Variants in LIN7C observed in about 807,000 individuals in gnomAD.
LIN7C encodes protein lin-7 homolog C.
In LIN7C, 17 loss-of-function variants were observed where a neutral mutation model predicts 24.7. The ratio of observed to expected loss-of-function variants is 0.69; its 90% confidence interval spans 0.47 to 1.03. The LOEUF (loss-of-function observed/expected upper bound fraction) is 1.03, where lower values mean the gene tolerates loss of function less well. LIN7C is among the 50% of genes least tolerant of loss of function. The pLI is 0.00. For missense variants in LIN7C, 204 were observed against 239.0 expected, an observed-to-expected ratio of 0.85 and a Z score of 0.97; for synonymous variants, 90 against 83.4, an observed-to-expected ratio of 1.08 and a Z score of -0.43.
chr11:27,501,699 A>T (rs1344686599), intron 2 of LIN7C, 103 bp downstream of exon 2: 11 of 914,526 alleles, frequency 1.2e-5, no homozygotes, highest in Non-Finnish European at 1.7e-5. Flanking sequence ...GACTGGTTTT[A>T]ATGTTTTCTA....
At chr11:27,504,031 T>C (rs996983666) in intron 1 of LIN7C, among the ~76,000 whole-genome samples, 9 of 152,056 alleles carry the variant, frequency 5.9e-5, no homozygotes, top group African/African-American at 2.2e-4. Context: ...TTGGCCAGGC[T>C]AGTCTCAAAC....
Position 27,498,545 on chromosome 11 carries a change from AT to A in LIN7C, c.*103del, listed in dbSNP as rs745920873. ...AATGACAAGGAGAATTTCATGATAA[AT>A]TTGTTTGTTTTCTTACAATCATTGG... On this transcript the variant is annotated 3_prime_UTR_variant, in exon 5 of 5. Transcript: ENST00000278193. 92 of 1,052,912 alleles carry A rather than the reference AT, an allele frequency of 8.7e-5. No homozygotes were observed. Among genetic ancestry groups the A allele is most frequent in the Non-Finnish European group, 1.2e-4 (89 of 716,198 alleles). 65.2% of individuals were successfully genotyped at this position (1,052,912 alleles called of 1,614,324 possible).
Position 27,506,765 on chromosome 11 carries a change from C to T in LIN7C, c.-13G>A, listed in dbSNP as rs201747531. ...CTAGCGCCGCCATCTTCTCCCTTAACCTACAGACCCACAGGAAATGACGAC... is the reference window on the plus strand; with the variant it reads ...CTAGCGCCGCCATCTTCTCCCTTAATCTACAGACCCACAGGAAATGACGAC... On this transcript the variant is annotated 5_prime_UTR_variant, in exon 1 of 5. Transcript: ENST00000278193. The T allele has an allele frequency of 6.2e-7, 1 of 1,614,154 alleles. No homozygotes were observed. Among genetic ancestry groups the T allele is most frequent in the Middle Eastern group, 1.6e-4 (1 of 6,062 alleles).
At chr11:27,499,637 C>T (rs866308880) in intron 3 of LIN7C, 69 bp from the exon 4 acceptor site, 193 of 1,398,014 alleles carry the variant, frequency 1.4e-4, no homozygotes, top group Middle Eastern at 3.7e-4. Flanking sequence ...TTTTGTTTCC[C>T]CCCGAGATGG....
At chr11:27,501,056 G>A (rs907867615) in intron 3 of LIN7C, among the ~76,000 whole-genome samples, 1 of 152,054 alleles carries the variant, frequency 6.6e-6, no homozygotes, top group Non-Finnish European at 1.5e-5. Context: ...AAATCAACTC[G>A]GGGAAGTACC....
Position 27,501,978 on chromosome 11 carries a change from A to G in LIN7C, c.38-58T>C, listed in dbSNP as rs1865230635. The stretch of plus-strand genomic sequence containing the variant: ...CCAAGGGTTTTCTCAATGCCTATGT[A>G]ACAGTGGGGCAGTTAGGATTCATTC... On this transcript the variant is annotated intron_variant, in intron 1 of 4. Coordinates refer to ENST00000278193, the MANE Select transcript of LIN7C (RefSeq NM_018362.4). 6.9e-6 allele frequency: 7 copies of G among 1,016,046 alleles called. No individual in the cohort carries two copies. The East Asian group carries it at 1.7e-4, about 24-fold the overall frequency. The allele number at this position is 1,016,046 out of a possible 1,614,324, so 62.9% of individuals were successfully genotyped here. A position where few individuals can be genotyped will look rare whatever the true frequency, so the allele number is the denominator to read the frequency against.
At chr11:27,501,280 G>A (rs555219603) in intron 3 of LIN7C, among the ~76,000 whole-genome samples, 2 of 152,030 alleles carry the variant, frequency 1.3e-5, no homozygotes, top group Admixed American at 1.3e-4. Flanking sequence ...TATCTAAACT[G>A]CATGATAAAA....
At chr11:27,506,431 A>C (rs1021730441) in intron 1 of LIN7C, among the ~76,000 whole-genome samples, 5 of 152,100 alleles carry the variant, frequency 3.3e-5, no homozygotes, top group Admixed American at 3.3e-4. Flanking sequence ...TGTGCTCACC[A>C]AGGGAGCGCG....
intron 4 of LIN7C, 83 bp downstream of exon 4, chr11:27,499,276 T>G: frequency 8.9e-7 from 1 of 1,119,052 alleles, no homozygotes; most frequent in Non-Finnish European, 1.3e-6. Flanking sequence ...AACCACAAGT[T>G]TCTTAGGTTT....
chr11:27,505,010 G>T (rs997266141), intron 1 of LIN7C, among the ~76,000 whole-genome samples: 1 of 152,184 alleles, frequency 6.6e-6, no homozygotes, highest in Admixed American at 6.5e-5. Context: ...AAATGCCACA[G>T]AAGTTCCACA....
chr11:27,497,423 C>T lies in LIN7C; in HGVS notation c.*1226G>A, dbSNP rs1014331133. 1.3e-5 allele frequency: 2 copies of T among 152,602 alleles called. No individual in the cohort carries two copies. Among genetic ancestry groups the T allele is most frequent in the South Asian group, 2.1e-4 (1 of 4,826 alleles). 9.5% of individuals were successfully genotyped at this position (152,602 alleles called of 1,614,324 possible). On this transcript the variant is annotated 3_prime_UTR_variant, in exon 5 of 5. Transcript: ENST00000278193. ...CAGTCTTTAAGACCTCAGTCACAGT[C>T]CCACACTAATAGCTGCCTTTTAGTA...
At chr11:27,498,842 C>T in intron 4 of LIN7C, 38 bp from the exon 5 acceptor site, 1 of 1,575,848 alleles carries the variant, frequency 6.3e-7, no homozygotes, top group South Asian at 1.2e-5. Flanking sequence ...ACACTAATAT[C>T]TAAGTTTTGA....
Position 27,497,270 on chromosome 11 carries a change from T to A in LIN7C, c.*1379A>T, listed in dbSNP as rs912993905. The A allele has an allele frequency of 6.6e-6, 1 of 152,606 alleles. No homozygotes were observed. The highest frequency in any genetic ancestry group is 1.5e-5 in the Non-Finnish European group (1 of 67,984). The allele number at this position is 152,606 out of a possible 1,614,324, so 9.5% of individuals were successfully genotyped here. A position where few individuals can be genotyped will look rare whatever the true frequency, so the allele number is the denominator to read the frequency against. On this transcript the variant is annotated 3_prime_UTR_variant, in exon 5 of 5. Coordinates refer to ENST00000278193, the MANE Select transcript of LIN7C (RefSeq NM_018362.4). ...GAATGTTACAAAATGCCCACTTTTT[T>A]ATATAGGGTCAATATGCCAAATTAC...
rs747527609 is a variant in LIN7C at position 27,506,744 on chromosome 11, C to T, written c.9G>A (p.Ala3=). 4.3e-6 allele frequency: 7 copies of T among 1,614,106 alleles called. No homozygotes were observed. The East Asian group carries it at 1.6e-4, about 36-fold the overall frequency. MA[A]LGEPVRLERD... ...TCTCCAGCCGCACGGGTTCCCCTAG[C>T]GCCGCCATCTTCTCCCTTAACCTAC... Residue 3 remains alanine, a synonymous_variant, in exon 1 of 5, where the codon GCG becomes GCA. Transcript: ENST00000278193.
intron 1 of LIN7C, among the ~76,000 whole-genome samples, chr11:27,505,188 C>A (rs1761225713): frequency 6.6e-6 from 1 of 152,104 alleles, no homozygotes; most frequent in African/African-American, 2.4e-5. Flanking sequence ...AAAAAACAGC[C>A]GGGTTTGGCG....
At chr11:27,501,457 A>T in intron 3 of LIN7C, 38 bp downstream of exon 3, 1 of 1,262,786 alleles carries the variant, frequency 7.9e-7, no homozygotes. Context: ...CTTCTAATTT[A>T]TGAAGAATTC....
chr11:27,504,191 T>C (rs1302858247), intron 1 of LIN7C, among the ~76,000 whole-genome samples: 1 of 152,110 alleles, frequency 6.6e-6, no homozygotes, highest in Admixed American at 6.6e-5. Flanking sequence ...TGGAAGCAAA[T>C]AGACCTTCAC....
intron 3 of LIN7C, among the ~76,000 whole-genome samples, chr11:27,499,954 T>C (rs1000836613): frequency 1.3e-5 from 2 of 152,228 alleles, no homozygotes; most frequent in Admixed American, 1.3e-4. Context: ...AAAACTACTT[T>C]TGAGCACGTA....
rs1865160860 is a variant in LIN7C, at chr11:27,495,713, C to A, written c.*2936G>T. On this transcript the variant is annotated 3_prime_UTR_variant, in exon 5 of 5. Transcript: ENST00000278193. ...AATGATGACAGACATAAAAAGCTCACATTTAAATTACTGGTAGATTTTATT... is the reference window on the plus strand; with the variant it reads ...AATGATGACAGACATAAAAAGCTCAAATTTAAATTACTGGTAGATTTTATT... 2 of 147,892 alleles carry A rather than the reference C, an allele frequency of 1.4e-5. No homozygotes were observed. Among genetic ancestry groups the A allele is most frequent in the Admixed American group, 6.8e-5 (1 of 14,726 alleles). The allele number at this position is 147,892 out of a possible 1,614,324, so 9.2% of individuals were successfully genotyped here.
Sources: allele counts gnomAD v4.1 joint callset (sites outside exome capture counted in the v4.1 genomes callset), GRCh38; gene constraint gnomAD v4.1.1; transcripts MANE v1.5; gene names NCBI Gene and HGNC (gene_info 2026-07-23, HGNC 2026-07-21).